The following FMNL2 variants were observed in gnomAD, a reference collection of about 807,000 sequenced individuals.
FMNL2 encodes formin like 2.
In FMNL2, 51 loss-of-function variants were observed where a neutral mutation model predicts 130.2. That is an observed-to-expected ratio of 0.39 (90% CI 0.31 to 0.49). The LOEUF is 0.49. Among genes scored for constraint, FMNL2 ranks in the 20% least tolerant of loss-of-function variants. FMNL2 has a pLI of 0.85. For missense variants in FMNL2, 977 were observed against 1,316.2 expected, an observed-to-expected ratio of 0.74 and a Z score of 3.99; for synonymous variants, 465 against 467.1, an observed-to-expected ratio of 1.00 and a Z score of 0.06.
intron 8 of FMNL2, among the ~76,000 whole-genome samples, chr2:152,579,456 G>T (rs1221292886): frequency 3.9e-5 from 6 of 152,198 alleles, no homozygotes; most frequent in Admixed American, 6.5e-5. Flanking sequence ...TCAGCACTTT[G>T]GGAGGCCGAG....
chr2:152,495,565 C>A (rs900045942), intron 1 of FMNL2, among the ~76,000 whole-genome samples: 20 of 145,488 alleles, frequency 1.4e-4, no homozygotes, highest in Admixed American at 2.9e-4. Context: ...CACGAAAATC[C>A]GTTGAACCCT....
At chr2:152,633,543 A>T (rs3748941) in intron 21 of FMNL2, among the ~76,000 whole-genome samples, 12,116 of 152,264 alleles carry the variant, frequency 0.08, 592 homozygotes, top group Middle Eastern at 0.16. Flanking sequence ...CAAATGCTGC[A>T]GAAGCTGTGG....
intron 2 of FMNL2, among the ~76,000 whole-genome samples, chr2:152,538,453 T>A (rs1220292747): frequency 1.3e-5 from 2 of 151,998 alleles, no homozygotes; most frequent in African/African-American, 4.8e-5. Context: ...CTAATTTTTG[T>A]ATTTTTAGTA....
At chr2:152,582,869 A>G (rs537616057) in intron 9 of FMNL2, among the ~76,000 whole-genome samples, 1 of 152,334 alleles carries the variant, frequency 6.6e-6, no homozygotes, top group Admixed American at 6.5e-5. Flanking sequence ...ATAATGACTC[A>G]TATTATAACA....
At chr2:152,620,704 C>T (rs1699205417) in intron 15 of FMNL2, among the ~76,000 whole-genome samples, 1 of 152,198 alleles carries the variant, frequency 6.6e-6, no homozygotes, top group Non-Finnish European at 1.5e-5. Flanking sequence ...TCCCAATCTC[C>T]ATCCCTTCCA....
At chr2:152,519,221 T>G (rs929436139) in intron 1 of FMNL2, among the ~76,000 whole-genome samples, 1 of 152,324 alleles carries the variant, frequency 6.6e-6, no homozygotes, top group East Asian at 1.9e-4. Flanking sequence ...GACTACCCTC[T>G]GATAACCTTT....
chr2:152,392,618 C>CAAG (rs1314060388), intron 1 of FMNL2, among the ~76,000 whole-genome samples: 1 of 152,130 alleles, frequency 6.6e-6, no homozygotes, highest in Non-Finnish European at 1.5e-5. Flanking sequence ...CGGAGTGAAG[C>CAAG]CTCTTTTATA....
chr2:152,596,129 AT>A (rs11360283), intron 9 of FMNL2, among the ~76,000 whole-genome samples: 86,603 of 147,764 alleles, frequency 0.59, 25,437 homozygotes, highest in East Asian at 0.77. Flanking sequence ...CGCCTGGGTG[AT>A]TTTTTTTTTT....
At chr2:152,586,938 C>G (rs1697113520) in intron 9 of FMNL2, among the ~76,000 whole-genome samples, 1 of 152,074 alleles carries the variant, frequency 6.6e-6, no homozygotes, top group African/African-American at 2.4e-5. Flanking sequence ...TTTGTTTTGT[C>G]TGGGGCCTCA....
At chr2:152,551,790 A>G (rs1195718891) in intron 4 of FMNL2, among the ~76,000 whole-genome samples, 1 of 152,200 alleles carries the variant, frequency 6.6e-6, no homozygotes, top group African/African-American at 2.4e-5. Context: ...CCGAGGCAGG[A>G]CGATTACTTG....
At chr2:152,488,055 C>T (rs979618977) in intron 1 of FMNL2, among the ~76,000 whole-genome samples, 1 of 152,182 alleles carries the variant, frequency 6.6e-6, no homozygotes, top group Admixed American at 6.5e-5. Context: ...GCTGGGATTA[C>T]AGGTGTGAGC....
Position 152,585,732 on chromosome 2 carries a change from A to G in FMNL2, c.876+4683A>G, listed in dbSNP as rs576612336. 5.3e-5 allele frequency among the ~76,000 whole-genome samples: 8 copies of G among 152,336 alleles called. No homozygotes were observed. The South Asian group carries it at 1.7e-3, about 32-fold the overall frequency. On this transcript the variant is annotated intron_variant, in intron 9 of 25. Coordinates refer to ENST00000288670, the MANE Select transcript of FMNL2 (RefSeq NM_052905.4). ...TCATAAAACTCTTATCTACTGGTTA[A>G]GGACCTCAACCAGTCCCCACTTCAG...
chr2:152,358,674 G>A (rs1183337226), intron 1 of FMNL2, among the ~76,000 whole-genome samples: 1 of 135,696 alleles, frequency 7.4e-6, no homozygotes, highest in Non-Finnish European at 1.5e-5. Flanking sequence ...CTTCCTTCAT[G>A]TATACATATA....
chr2:152,527,102 C>T (rs1693430969), intron 2 of FMNL2, among the ~76,000 whole-genome samples: 1 of 152,014 alleles, frequency 6.6e-6, no homozygotes, highest in South Asian at 2.1e-4. Flanking sequence ...GTAGGCAAGC[C>T]CTCTTGTAGA....
At chr2:152,479,718 GTTTTTT>G (rs749726414) in intron 1 of FMNL2, among the ~76,000 whole-genome samples, 9 of 96,732 alleles carry the variant, frequency 9.3e-5, no homozygotes, top group East Asian at 3.1e-4. Context: ...GTTGTGGGTT[GTTTTTT>G]TTTTTTTTTT....
intron 2 of FMNL2, among the ~76,000 whole-genome samples, chr2:152,535,193 A>G (rs1319505856): frequency 6.6e-6 from 1 of 152,188 alleles, no homozygotes; most frequent in Non-Finnish European, 1.5e-5. Context: ...TGCAATTTTC[A>G]TAAACTGGAT....
At chr2:152,395,470 A>C (rs1319370990) in intron 1 of FMNL2, among the ~76,000 whole-genome samples, 1 of 152,210 alleles carries the variant, frequency 6.6e-6, no homozygotes, top group African/African-American at 2.4e-5. Context: ...TTCTTAGGAA[A>C]CTTGTTCCCA....
intron 1 of FMNL2, among the ~76,000 whole-genome samples, chr2:152,360,968 T>C (rs1022853392): frequency 1.3e-5 from 2 of 152,342 alleles, no homozygotes; most frequent in Middle Eastern, 3.4e-3. Flanking sequence ...TATCTATTCC[T>C]TGTAGTAATT....
chr2:152,463,454 G>A (rs1384534446), intron 1 of FMNL2, among the ~76,000 whole-genome samples: 1 of 152,102 alleles, frequency 6.6e-6, no homozygotes, highest in Non-Finnish European at 1.5e-5. Flanking sequence ...AAAGCCTATG[G>A]TATTATCTGC....
Sources: gnomAD v4.1 joint callset for allele counts (sites outside exome capture counted in the v4.1 genomes callset) on GRCh38, gnomAD v4.1.1 for gene constraint, MANE v1.5 for transcripts, NCBI Gene and HGNC (gene_info 2026-07-23, HGNC 2026-07-21) for gene names.